ROBO1: variants seen among roughly 807,000 people sequenced by gnomAD.
The protein encoded by ROBO1 is roundabout guidance receptor 1, also known as roundabout homolog 1.
In ROBO1, 149 loss-of-function variants were observed where a neutral mutation model predicts 195.9. That is an observed-to-expected ratio of 0.76 (90% CI 0.67 to 0.87). The LOEUF is 0.87. ROBO1 is among the 40% of genes least tolerant of loss of function. ROBO1 has a pLI of 0.00. For synonymous variants in ROBO1, 816 were observed against 733.2 expected, an observed-to-expected ratio of 1.11 and a Z score of -1.82; for missense variants, 1,933 against 2,068.3, an observed-to-expected ratio of 0.93 and a Z score of 1.27.
At chr3:79,641,781 G>C (rs1441707407) in intron 1 of ROBO1, among the ~76,000 whole-genome samples, 1 of 152,074 alleles carries the variant, frequency 6.6e-6, no homozygotes, top group Non-Finnish European at 1.5e-5. Flanking sequence ...ACTTTTGGAG[G>C]CCAGTGTGGG....
intron 4 of ROBO1, among the ~76,000 whole-genome samples, chr3:78,754,406 C>T (rs567039196): frequency 7.2e-5 from 11 of 152,298 alleles, no homozygotes; most frequent in Admixed American, 3.9e-4. Context: ...GCAAGACAAG[C>T]ATGCATTCTT....
intron 1 of ROBO1, among the ~76,000 whole-genome samples, chr3:79,764,313 T>C (rs2107532760): frequency 6.6e-6 from 1 of 152,354 alleles, no homozygotes; most frequent in African/African-American, 2.4e-5. Flanking sequence ...AACAGTAACA[T>C]TGCTCACTTC....
At chr3:79,101,576 T>C (rs2079677081) in intron 3 of ROBO1, among the ~76,000 whole-genome samples, 2 of 151,778 alleles carry the variant, frequency 1.3e-5, no homozygotes, top group African/African-American at 4.8e-5. Flanking sequence ...TGCTGAAGGC[T>C]CTCATCCTCA....
intron 1 of ROBO1, among the ~76,000 whole-genome samples, chr3:79,723,805 G>A (rs1335230963): frequency 3.0e-5 from 1 of 33,140 alleles, no homozygotes; most frequent in Non-Finnish European, 6.2e-5. Context: ...GTTTCTATAA[G>A]GTTTATTTAT....
chr3:79,722,961 T>C (rs1226363916), intron 1 of ROBO1, among the ~76,000 whole-genome samples: 1 of 152,202 alleles, frequency 6.6e-6, no homozygotes, highest in East Asian at 1.9e-4. Context: ...CAGTATTGCA[T>C]TTGACATACA....
At chr3:79,205,768 A>G (rs928375134) in intron 2 of ROBO1, among the ~76,000 whole-genome samples, 14 of 152,184 alleles carry the variant, frequency 9.2e-5, no homozygotes, top group African/African-American at 9.7e-5. Context: ...CTGGAACATT[A>G]GTTAGTACCA....
rs140870916 is a variant in ROBO1, at chr3:79,333,076, G to A, written c.89-207537C>T. On this transcript the variant is annotated intron_variant, in intron 2 of 30. Coordinates refer to ENST00000464233, the MANE Select transcript of ROBO1 (RefSeq NM_002941.4). Reference sequence around the variant, plus strand: ...AAATTAGCCAGGGGGGGTAGCATGCGCCTGTAGTCCCAGCTGCTTGGGAGG... The same window carrying A: ...AAATTAGCCAGGGGGGGTAGCATGCACCTGTAGTCCCAGCTGCTTGGGAGG... Among the ~76,000 whole-genome samples, 155 of 151,808 alleles carry A rather than the reference G, an allele frequency of 1.0e-3. 1 individual carries two copies. Among genetic ancestry groups the A allele is most frequent in the Non-Finnish European group, 7.7e-4 (52 of 67,928 alleles).
intron 1 of ROBO1, among the ~76,000 whole-genome samples, chr3:79,713,455 G>A (rs1340111949): frequency 6.6e-6 from 1 of 152,076 alleles, no homozygotes; most frequent in Non-Finnish European, 1.5e-5. Context: ...CAAAGGTTTG[G>A]AAGGAGTTGA....
chr3:79,510,808 A>C (rs1191697558), intron 2 of ROBO1, among the ~76,000 whole-genome samples: 1 of 152,150 alleles, frequency 6.6e-6, no homozygotes, highest in Non-Finnish European at 1.5e-5. Context: ...CTGTATTCTG[A>C]CATTTTTGGA....
chr3:79,222,140 T>A (rs1342872218), intron 2 of ROBO1, among the ~76,000 whole-genome samples: 1 of 152,080 alleles, frequency 6.6e-6, no homozygotes, highest in East Asian at 1.9e-4. Flanking sequence ...TACCATCTTC[T>A]CTTCTTATCT....
intron 1 of ROBO1, among the ~76,000 whole-genome samples, chr3:79,704,640 T>G (rs1947714270): frequency 6.6e-6 from 1 of 152,070 alleles, no homozygotes; most frequent in African/African-American, 2.4e-5. Context: ...AAAGATGCTG[T>G]AAATATTCAT....
intron 3 of ROBO1, among the ~76,000 whole-genome samples, chr3:79,008,609 TGACA>T (rs529111644): frequency 6.6e-6 from 1 of 151,666 alleles, no homozygotes; most frequent in African/African-American, 2.4e-5. Flanking sequence ...ATTTTTTTTT[TGACA>T]GACAGTATGC....
intron 4 of ROBO1, among the ~76,000 whole-genome samples, chr3:78,935,781 A>C (rs1388314933): frequency 6.6e-6 from 1 of 152,082 alleles, no homozygotes; most frequent in Non-Finnish European, 1.5e-5. Context: ...ATAATCAATA[A>C]AAAATAAATT....
At chr3:79,486,009 T>G (rs1939139561) in intron 2 of ROBO1, among the ~76,000 whole-genome samples, 1 of 152,172 alleles carries the variant, frequency 6.6e-6, no homozygotes, top group Non-Finnish European at 1.5e-5. Flanking sequence ...TGGAACCACT[T>G]AACCTGAATT....
intron 4 of ROBO1, among the ~76,000 whole-genome samples, chr3:78,827,042 C>T (rs1387843775): frequency 6.6e-6 from 1 of 151,994 alleles, no homozygotes; most frequent in East Asian, 1.9e-4. Flanking sequence ...AAACTAAATG[C>T]TGACTAGTAG....
chr3:79,471,939 T>C (rs1245946971), intron 2 of ROBO1, among the ~76,000 whole-genome samples: 1 of 150,524 alleles, frequency 6.6e-6, no homozygotes, highest in Non-Finnish European at 1.5e-5. Flanking sequence ...CTGTTGGGGG[T>C]TGGGGGGCTA....
chr3:78,851,089 T>A (rs1236379768), intron 4 of ROBO1, among the ~76,000 whole-genome samples: 1 of 152,154 alleles, frequency 6.6e-6, no homozygotes, highest in Non-Finnish European at 1.5e-5. Context: ...ATTACAGGTG[T>A]GAGCCACCAC....
chr3:79,193,476 G>A (rs1227782182), intron 2 of ROBO1, among the ~76,000 whole-genome samples: 1 of 151,354 alleles, frequency 6.6e-6, no homozygotes, highest in Non-Finnish European at 1.5e-5. Flanking sequence ...GTAGAACAAT[G>A]GCAGTCAGGA....
intron 2 of ROBO1, among the ~76,000 whole-genome samples, chr3:79,524,349 A>G (rs1002891538): frequency 5.3e-5 from 8 of 152,236 alleles, no homozygotes; most frequent in African/African-American, 1.9e-4. Context: ...AATCTAAACC[A>G]TCTCAAATGA....
Sources: gnomAD v4.1 joint callset for allele counts (sites outside exome capture counted in the v4.1 genomes callset) on GRCh38, gnomAD v4.1.1 for gene constraint, MANE v1.5 for transcripts, NCBI Gene and HGNC (gene_info 2026-07-23, HGNC 2026-07-21) for gene names.